The following ARHGAP22 variants were observed in gnomAD, a reference collection of about 807,000 sequenced individuals.
The protein encoded by ARHGAP22 is rho GTPase-activating protein 22.
A neutral mutation model predicts 59.1 loss-of-function variants in ARHGAP22; 48 were observed. The ratio of observed to expected loss-of-function variants is 0.81; its 90% CI spans 0.64 to 1.03. The LOEUF is 1.03. Ranked by LOEUF, ARHGAP22 falls within the 50% of genes least tolerant of loss-of-function variation. ARHGAP22 has a pLI of 0.00. For missense variants in ARHGAP22, 1,015 were observed against 958.7 expected, an observed-to-expected ratio of 1.06 and a Z score of -0.78; for synonymous variants, 445 against 416.4, an observed-to-expected ratio of 1.07 and a Z score of -0.84.
the ARHGAP22 span, among the ~76,000 whole-genome samples, chr10:48,439,748 T>C: frequency 6.6e-6 from 1 of 152,216 alleles, no homozygotes; most frequent in Non-Finnish European, 1.5e-5. Flanking sequence ...GCTTATTTCC[T>C]CTTTGCCTAC....
intron 4 of ARHGAP22, among the ~76,000 whole-genome samples, chr10:48,470,297 G>C (rs1486626577): frequency 6.6e-6 from 1 of 152,178 alleles, no homozygotes; most frequent in Non-Finnish European, 1.5e-5. Context: ...AGTAGTGACA[G>C]CCCCCTGTAA....
At chr10:48,577,475 C>T (rs925232176) in intron 2 of ARHGAP22, among the ~76,000 whole-genome samples, 1 of 152,138 alleles carries the variant, frequency 6.6e-6, no homozygotes, top group African/African-American at 2.4e-5. Context: ...TCCACCTCCG[C>T]CATTTTACTG....
intron 4 of ARHGAP22, among the ~76,000 whole-genome samples, chr10:48,475,297 G>A (rs1205515352): frequency 6.6e-6 from 1 of 152,034 alleles, no homozygotes; most frequent in Non-Finnish European, 1.5e-5. Context: ...TCACCCCTCT[G>A]CTGTCCCTCC....
chr10:48,616,281 G>A (rs540112087), intron 1 of ARHGAP22, among the ~76,000 whole-genome samples: 3 of 152,114 alleles, frequency 2.0e-5, no homozygotes, highest in African/African-American at 2.4e-5. Context: ...CATTTGCACC[G>A]GGAAACCAAA....
intron 2 of ARHGAP22, among the ~76,000 whole-genome samples, chr10:48,569,370 C>T (rs1008269373): frequency 2.0e-5 from 3 of 152,210 alleles, no homozygotes; most frequent in African/African-American, 7.2e-5. Context: ...CCATCGTCCT[C>T]GGCAGCCCTT....
intron 2 of ARHGAP22, 142 bp from the exon 3 acceptor site, chr10:48,555,692 C>G: frequency 1.4e-6 from 1 of 704,810 alleles, no homozygotes; most frequent in South Asian, 1.7e-5. Context: ...GAGAGGGGCA[C>G]ACACCTCCTC....
chr10:48,448,105 C>T (rs1190577839), intron 9 of ARHGAP22, among the ~76,000 whole-genome samples: 5 of 152,232 alleles, frequency 3.3e-5, no homozygotes, highest in Admixed American at 2.0e-4. Context: ...AGCGGCTTCT[C>T]ACTTCATTCT....
At chr10:48,515,929 G>A (rs1287599901) in intron 3 of ARHGAP22, among the ~76,000 whole-genome samples, 4 of 151,872 alleles carry the variant, frequency 2.6e-5, no homozygotes, top group South Asian at 4.1e-4. Flanking sequence ...CAGGAAGATC[G>A]CTTGAGCCCA....
intron 2 of ARHGAP22, among the ~76,000 whole-genome samples, chr10:48,556,180 G>A (rs2057297339): frequency 6.6e-6 from 1 of 152,140 alleles, no homozygotes; most frequent in Non-Finnish European, 1.5e-5. Flanking sequence ...GAGGTATAGG[G>A]ACGGGGAGGC....
At position 48,652,240 on chromosome 10, in the gene ARHGAP22, A is replaced by G. The variant is rs541402610; in HGVS notation, c.46T>C (p.Tyr16His). Residue 16 changes from tyrosine (Y) to histidine (H), a missense_variant, in exon 1 of 10, where the codon TAT (tyrosine) becomes CAT (histidine). Transcript: ENST00000435790. ...AACATAAAAAAATTCTTACTGAAAT[A>G]TCTGGCTGCAAACGTCCTCCTTTTG... 8.1e-5 allele frequency: 125 copies of G among 1,535,504 alleles called. No homozygotes were observed. In the East Asian group the frequency reaches 1.2e-3, roughly 15 times the overall value.
At chr10:48,526,167 C>T (rs1358109549) in intron 3 of ARHGAP22, among the ~76,000 whole-genome samples, 1 of 152,082 alleles carries the variant, frequency 6.6e-6, no homozygotes, top group Non-Finnish European at 1.5e-5. Flanking sequence ...AGAATCTCAG[C>T]AAGGGCAGGC....
At chr10:48,466,552 GC>G (rs1208583535) in intron 4 of ARHGAP22, 1 of 148,524 alleles carries the variant, frequency 6.7e-6, no homozygotes, top group Non-Finnish European at 1.5e-5. Flanking sequence ...GCCCGGGGGC[GC>G]CCGCACCCCG....
chr10:48,562,085 G>T (rs999897046), intron 2 of ARHGAP22, among the ~76,000 whole-genome samples: 1 of 152,070 alleles, frequency 6.6e-6, no homozygotes, highest in Non-Finnish European at 1.5e-5. Context: ...AATTTGCGGG[G>T]TGTGTTGGCA....
At chr10:48,543,175 G>C (rs560877214) in intron 3 of ARHGAP22, among the ~76,000 whole-genome samples, 1 of 152,164 alleles carries the variant, frequency 6.6e-6, no homozygotes, top group East Asian at 1.9e-4. Flanking sequence ...CCCTAGGCCC[G>C]CACAGAGATG....
At position 48,610,243 on chromosome 10, in the gene ARHGAP22, A is replaced by T. The variant is rs935404924; in HGVS notation, c.53-27091T>A. Among the ~76,000 whole-genome samples the T allele has an allele frequency of 3.3e-5, 5 of 152,276 alleles. No homozygotes were observed. The South Asian group carries it at 1.0e-3, about 32-fold the overall frequency. On this transcript the variant is annotated intron_variant, in intron 1 of 9. Coordinates refer to the ARHGAP22 transcript ENST00000435790. Reference sequence around the variant, plus strand: ...GAAGGGGTCTAAAGCCTGGACTTCTACCTATCTGGGGTCTTTGTTGTCTTG... The same window carrying T: ...GAAGGGGTCTAAAGCCTGGACTTCTTCCTATCTGGGGTCTTTGTTGTCTTG...
chr10:48,479,617 T>C lies in ARHGAP22; in HGVS notation c.451+19A>G. On this transcript the variant is annotated intron_variant, in intron 4 of 9. Coordinates refer to ENST00000249601, the MANE Select transcript of ARHGAP22 (RefSeq NM_021226.4). ...AGGCAAGGGTTCTAGAGGGTGGGCA[T>C]GCGATCTACGGGCAGTACCTCCGCC... 6.2e-7 allele frequency: 1 copy of C among 1,613,834 alleles called. No homozygotes were observed. Among genetic ancestry groups the C allele is most frequent in the Non-Finnish European group, 8.5e-7 (1 of 1,179,972 alleles).
intron 2 of ARHGAP22, among the ~76,000 whole-genome samples, chr10:48,558,333 A>G (rs2057441737): frequency 9.8e-6 from 1 of 101,826 alleles, no homozygotes; most frequent in Non-Finnish European, 2.3e-5. Flanking sequence ...GATTTTTGCG[A>G]TTTAATGTTT....
chr10:48,440,142 G>C, the ARHGAP22 span, among the ~76,000 whole-genome samples: 1 of 149,268 alleles, frequency 6.7e-6, no homozygotes, highest in Non-Finnish European at 1.5e-5. Flanking sequence ...TTCTTTTTCA[G>C]TATTGTTCCT....
chr10:48,524,521 T>TG (rs1027148113), intron 3 of ARHGAP22, among the ~76,000 whole-genome samples: 3 of 151,756 alleles, frequency 2.0e-5, no homozygotes, highest in East Asian at 2.0e-4. Context: ...CAAGCAGGGG[T>TG]GGGGGGCCAC....
Sources: gnomAD v4.1 joint callset for allele counts (sites outside exome capture counted in the v4.1 genomes callset) on GRCh38, gnomAD v4.1.1 for gene constraint, MANE v1.5 for transcripts, NCBI Gene and HGNC (gene_info 2026-07-23, HGNC 2026-07-21) for gene names.